EEF2: variants seen among roughly 807,000 people sequenced by gnomAD.
EEF2 encodes elongation factor 2.
Under a neutral mutation model 85.3 loss-of-function variants are expected in EEF2, and 21 were observed. The observed-to-expected ratio is 0.25, with a 90% confidence interval of 0.17 to 0.35. The LOEUF is 0.35. EEF2 is among the 10% of genes least tolerant of loss of function. The probability of loss-of-function intolerance (pLI) is 1.00; values close to 1 mark genes in which losing one functional copy is unlikely to be tolerated. For synonymous variants in EEF2, 723 were observed against 508.8 expected, an observed-to-expected ratio of 1.42 and a Z score of -5.67; for missense variants, 825 against 1,225.3, an observed-to-expected ratio of 0.67 and a Z score of 4.88.
chr19:3,980,099 G>C (rs939395235), intron 9 of EEF2, 33 bp from the exon 10 acceptor site: 2 of 1,600,542 alleles, frequency 1.2e-6, no homozygotes, highest in Non-Finnish European at 1.7e-6. Flanking sequence ...GCAGGCCGCA[G>C]GGATGGTTGT....
At position 3,984,330 on chromosome 19, in the gene EEF2, C is replaced by T; in HGVS notation, c.24G>A (p.Gln8=). The T allele has an allele frequency of 6.2e-7, 1 of 1,614,190 alleles. No homozygotes were observed. The highest frequency in any genetic ancestry group is 8.5e-7 in the Non-Finnish European group (1 of 1,180,042). The change falls in exon 2 of 15, where the codon CAG becomes CAA. Residue 8 remains glutamine, a synonymous_variant. Transcript: ENST00000309311. The part of the protein sequence containing the change: MVNFTVD[Q]IRAIMDKKAN... ...CCTTCTTGTCCATGATGGCGCGGAT[C>T]TGGTCTACCGTGAAGTTCACCTGGG...
Position 3,980,556 on chromosome 19 carries a change from G to A in EEF2, c.1304C>T (p.Thr435Ile), listed in dbSNP as rs1379577842. 1.2e-6 allele frequency: 2 copies of A among 1,614,220 alleles called. No homozygotes were observed. Among genetic ancestry groups the A allele is most frequent in the East Asian group, 2.2e-5 (1 of 44,892 alleles). The change falls in exon 9 of 15, where the codon ACC (threonine) becomes ATC (isoleucine). Residue 435 changes from threonine to isoleucine, a missense_variant. Physicochemically the swap from Thr to Ile is moderately conservative, Grantham distance 89. Coordinates refer to ENST00000309311, the MANE Select transcript of EEF2 (RefSeq NM_001961.4). ...GTAGAGGTCCTCCTTCTTCCCAGGG[G>A]TATAGTTGGGCCCCATGATCCTGAC... ...LKVRIMGPNY[T>I]PGKKEDLYLK...
rs757281092 is a variant in EEF2, at chr19:3,976,757, G to C, written c.2384-10C>G. On this transcript the variant is annotated splice_polypyrimidine_tract_variant and intron_variant, in intron 14 of 14. Coordinates refer to ENST00000309311, the MANE Select transcript of EEF2 (RefSeq NM_001961.4). The stretch of plus-strand genomic sequence containing the variant: ...AGGTCAGCGGTGAAGCCTGCAGAGG[G>C]AAGCGAGAGGCTCACTGGGCCATCG... 6.5e-7 allele frequency: 1 copy of C among 1,546,472 alleles called. No individual in the cohort carries two copies. The highest frequency in any genetic ancestry group is 8.7e-7 in the Non-Finnish European group (1 of 1,152,528).
chr19:3,976,825 G>C, intron 14 of EEF2, 78 bp from the exon 15 acceptor site: 5 of 1,413,646 alleles, frequency 3.5e-6, no homozygotes, highest in South Asian at 1.5e-5. Flanking sequence ...AGGAGCTCAG[G>C]CTAGTTCCTC....
At position 3,982,335 on chromosome 19, in the gene EEF2, G is replaced by C; in HGVS notation, c.702C>G (p.Ala234=). 6.2e-7 allele frequency: 1 copy of C among 1,614,152 alleles called. No individual in the cohort carries two copies. Among genetic ancestry groups the C allele is most frequent in the African/African-American group, 1.3e-5 (1 of 75,040 alleles). The change falls in exon 5 of 15, where the codon GCC becomes GCG. Residue 234 remains alanine (A), a synonymous_variant. Transcript: ENST00000309311. ...GGCCCTCCCCCTTGGCGGCGAACTT[G>C]GCCACATACATCTCGGCAAACTGCT... is the stretch of plus-strand genomic sequence containing the variant. The part of the protein sequence containing the change: ...TLKQFAEMYV[A]KFAAKGEGQL...
Position 3,985,393 on chromosome 19 carries a change from C to T in EEF2, c.-13G>A. 3 of 1,510,802 alleles carry T rather than the reference C, an allele frequency of 2.0e-6. No individual in the cohort carries two copies. Among genetic ancestry groups the T allele is most frequent in the Non-Finnish European group, 2.7e-6 (3 of 1,126,516 alleles). 93.6% of individuals were successfully genotyped at this position (1,510,802 alleles called of 1,614,324 possible). A position where few individuals can be genotyped will look rare whatever the true frequency, so the allele number is the denominator to read the frequency against. On this transcript the variant is annotated 5_prime_UTR_variant, in exon 1 of 15. Transcript: ENST00000309311. Reference sequence around the variant, plus strand: ...GGTTACTCACCATGGTGGCGGATGGCGGTGGATTCTCCCAGGTAGAACCGA... The same window carrying T: ...GGTTACTCACCATGGTGGCGGATGGTGGTGGATTCTCCCAGGTAGAACCGA...
chr19:3,980,846 G>C lies in EEF2; in HGVS notation c.1145C>G (p.Ala382Gly). The change falls in exon 8 of 15, where the codon GCC becomes GGC. Residue 382 changes from alanine (A) to glycine (G), a missense_variant. Transcript: ENST00000309311. ...LYEGPPDDEAAMGIKSCDPKG... is the reference protein window; with the variant it reads ...LYEGPPDDEAGMGIKSCDPKG... ...CGGCCACCGGGACCACGTACCCATG[G>C]CAGCCTCGTCGTCCGGGGGCCCCTC... 6.4e-7 allele frequency: 1 copy of C among 1,568,706 alleles called. No homozygotes were observed. The highest frequency in any genetic ancestry group is 8.6e-7 in the Non-Finnish European group (1 of 1,158,422).
intron 4 of EEF2, 127 bp from the exon 5 acceptor site, chr19:3,982,551 G>A (rs759504610): frequency 5.4e-6 from 7 of 1,297,714 alleles, no homozygotes; most frequent in South Asian, 4.8e-5. Flanking sequence ...TCAAAGTGAA[G>A]AAATGATCAG....
chr19:3,978,522 G>C (rs1266140906), intron 11 of EEF2, among the ~76,000 whole-genome samples: 2 of 151,942 alleles, frequency 1.3e-5, no homozygotes, highest in East Asian at 3.9e-4. Context: ...AACTGCCCCG[G>C]AGGCCGGGCG....
In EEF2 at chr19:3,977,208, C is replaced by A. The variant is rs541085914; in HGVS notation, c.2383+7G>T. On this transcript the variant is annotated splice_region_variant and intron_variant, in intron 14 of 14. Transcript: ENST00000309311. The surrounding 1 kb of genome is among the most constrained non-coding windows in gnomAD (Gnocchi z 5.4). ...GGCTCTGCAGGCCACACCGGGCAGG[C>A]ACTCACCAAAGGACTCGTTGACGGG... 16 of 1,612,600 alleles carry A rather than the reference C, an allele frequency of 9.9e-6. No homozygotes were observed. The highest frequency in any genetic ancestry group is 3.3e-4 in the Middle Eastern group (2 of 6,056).
chr19:3,983,739 C>A (rs2039784720), intron 2 of EEF2: 3 of 318,854 alleles, frequency 9.4e-6, no homozygotes, highest in South Asian at 7.0e-5. Context: ...ACTCTGCGCT[C>A]CCCCTACTCA....
Position 3,976,460 on chromosome 19 carries a change from CG to C in EEF2, c.*93del. 1 of 1,439,608 alleles carries C rather than the reference CG, an allele frequency of 6.9e-7. No homozygotes were observed. Among genetic ancestry groups the C allele is most frequent in the Non-Finnish European group, 9.4e-7 (1 of 1,065,248 alleles). The allele number at this position is 1,439,608 out of a possible 1,614,324, so 89.2% of individuals were successfully genotyped here. On this transcript the variant is annotated 3_prime_UTR_variant, in exon 15 of 15. Transcript: ENST00000309311. The stretch of plus-strand genomic sequence containing the variant: ...ACCTCTCAGGGGAGCGTCGCTGTGT[CG>C]GGACAGTCTCCAGGTGTCGTCTGAG...
rs755281398 is a variant in EEF2 at position 3,976,655 on chromosome 19, C to G, written c.2476G>C (p.Asp826His). 1 of 1,609,542 alleles carries G rather than the reference C, an allele frequency of 6.2e-7. No individual in the cohort carries two copies. Among genetic ancestry groups the G allele is most frequent in the Non-Finnish European group, 8.5e-7 (1 of 1,178,606 alleles). ...HWQILPGDPF[D>H]NSSRPSQVVA... The stretch of plus-strand genomic sequence containing the variant: ...ACCTGGCTGGGGCGGCTGCTGTTGT[C>G]GAAGGGGTCTCCGGGCAGGATCTGC... The change falls in exon 15 of 15, where the codon GAC becomes CAC. Residue 826 changes from aspartate to histidine, a missense_variant. Transcript: ENST00000309311.
rs762974065 is a variant in EEF2, at chr19:3,980,887, G to A, written c.1104C>T (p.Arg368=). 1.3e-5 allele frequency: 21 copies of A among 1,563,932 alleles called. No individual in the cohort carries two copies. Among genetic ancestry groups the A allele is most frequent in the Non-Finnish European group, 1.8e-5 (21 of 1,155,560 alleles). The change falls in exon 8 of 15, where the codon CGC becomes CGT. Residue 368 remains arginine, a synonymous_variant. Coordinates refer to ENST00000309311, the MANE Select transcript of EEF2 (RefSeq NM_001961.4). ...GGGGCCCCTCGTACAGGAGCTCGCAGCGGTACTTCTGGGCCGTCACAGGGG... is the reference window on the plus strand; with the variant it reads ...GGGGCCCCTCGTACAGGAGCTCGCAACGGTACTTCTGGGCCGTCACAGGGG... ...LPSPVTAQKY[R]CELLYEGPPD...
intron 7 of EEF2, 127 bp from the exon 8 acceptor site, chr19:3,981,106 T>A: frequency 1.4e-6 from 2 of 1,422,686 alleles, no homozygotes; most frequent in Non-Finnish European, 1.9e-6. Context: ...GCACAGTCCC[T>A]TCTGGAAGGC....
chr19:3,976,767 G>A lies in EEF2; in HGVS notation c.2384-20C>T, dbSNP rs2039684498. ...TGAAGCCTGCAGAGGGAAGCGAGAG[G>A]CTCACTGGGCCATCGAGAAGGTGGC... On this transcript the variant is annotated intron_variant, in intron 14 of 14. Coordinates refer to ENST00000309311, the MANE Select transcript of EEF2 (RefSeq NM_001961.4). The A allele has an allele frequency of 2.0e-6, 3 of 1,524,220 alleles. No individual in the cohort carries two copies. Among genetic ancestry groups the A allele is most frequent in the South Asian group, 1.3e-5 (1 of 79,570 alleles). 94.4% of individuals were successfully genotyped at this position (1,524,220 alleles called of 1,614,324 possible). A position where few individuals can be genotyped will look rare whatever the true frequency, so the allele number is the denominator to read the frequency against.
Position 3,979,368 on chromosome 19 carries a change from C to G in EEF2, c.1674G>C (p.Leu558=), listed in dbSNP as rs1599192734. 7 of 1,614,082 alleles carry G rather than the reference C, an allele frequency of 4.3e-6. No homozygotes were observed. Among genetic ancestry groups the G allele is most frequent in the Non-Finnish European group, 5.9e-6 (7 of 1,180,018 alleles). ...GAGELHLEIC[L]KDLEEDHACI... ...AGGCGTGGTCCTCCTCCAGGTCCTTCAGGCAGATCTCCAGGTGCAGCTCGC... is the reference window on the plus strand; with the variant it reads ...AGGCGTGGTCCTCCTCCAGGTCCTTGAGGCAGATCTCCAGGTGCAGCTCGC... Residue 558 remains leucine, a synonymous_variant, in exon 11 of 15, where the codon CTG becomes CTC. Coordinates refer to ENST00000309311, the MANE Select transcript of EEF2 (RefSeq NM_001961.4).
chr19:3,985,315 C>A, intron 1 of EEF2, 63 bp downstream of exon 1: 3 of 1,384,108 alleles, frequency 2.2e-6, no homozygotes, highest in Non-Finnish European at 2.8e-6. Context: ...CCAGGCTAGG[C>A]AGCGTAGGCC....
chr19:3,985,040 G>A (rs573121601), intron 1 of EEF2: 8 of 339,064 alleles, frequency 2.4e-5, no homozygotes, highest in African/African-American at 4.2e-5. Flanking sequence ...GCGGCCCGCG[G>A]GTTACATAAG....
Sources: allele counts gnomAD v4.1 joint callset (sites outside exome capture counted in the v4.1 genomes callset), GRCh38; gene constraint gnomAD v4.1.1; non-coding constraint Gnocchi (gnomAD v3.1); transcripts MANE v1.5; gene names NCBI Gene and HGNC (gene_info 2026-07-23, HGNC 2026-07-21).